KIRREL3: variants seen among roughly 807,000 people sequenced by gnomAD.
The protein encoded by KIRREL3 is kirre like nephrin family adhesion molecule 3.
A neutral mutation model predicts 89.7 loss-of-function variants in KIRREL3; 36 were observed. The ratio of observed to expected loss-of-function variants is 0.40; its 90% CI spans 0.31 to 0.53. The LOEUF (loss-of-function observed/expected upper bound fraction) is 0.53, where lower values mean the gene tolerates loss of function less well. KIRREL3 is among the 20% of genes least tolerant of loss of function. KIRREL3 has a pLI of 0.49. For synonymous variants in KIRREL3, 445 were observed against 441.4 expected, an observed-to-expected ratio of 1.01 and a Z score of -0.10; for missense variants, 864 against 1,056.6, an observed-to-expected ratio of 0.82 and a Z score of 2.53.
chr11:126,664,051 G>C lies in KIRREL3; in HGVS notation c.56-101139C>G, dbSNP rs778400482. On this transcript the variant is annotated intron_variant, in intron 1 of 16. Coordinates refer to ENST00000525144, the MANE Select transcript of KIRREL3 (RefSeq NM_032531.4). The surrounding 1 kb of genome is among the most constrained non-coding windows in gnomAD (Gnocchi z 5.4). ...CCCCTGGCACAAGGGAAATTAACCA[G>C]ACTCTGCATGTTGTGGGAATTCTGC... Among the ~76,000 whole-genome samples, 1 of 152,208 alleles carries C rather than the reference G, an allele frequency of 6.6e-6. No homozygotes were observed. Among genetic ancestry groups the C allele is most frequent in the Non-Finnish European group, 1.5e-5 (1 of 68,040 alleles).
At chr11:126,539,183 A>G (rs1311178148) in intron 2 of KIRREL3, among the ~76,000 whole-genome samples, 1 of 152,124 alleles carries the variant, frequency 6.6e-6, no homozygotes, top group South Asian at 2.1e-4. Flanking sequence ...TGAGAATGAA[A>G]TAGGTCATTC....
Position 126,486,594 on chromosome 11 carries a change from G to A in KIRREL3, c.434-13128C>T, listed in dbSNP as rs1000179236. Among the ~76,000 whole-genome samples, 7 of 152,208 alleles carry A rather than the reference G, an allele frequency of 4.6e-5. No homozygotes were observed. Among genetic ancestry groups the A allele is most frequent in the African/African-American group, 1.7e-4 (7 of 41,446 alleles). On this transcript the variant is annotated intron_variant, in intron 4 of 16. Transcript: ENST00000525144. This position sits in a 1 kb window ranked among gnomAD's most constrained non-coding sequence, Gnocchi z 6.2. ...CAACACAGCTGGGTTGGTGGGAAAAGCCCATCATGGTGGCTGCCGTGGACT... is the reference window on the plus strand; with the variant it reads ...CAACACAGCTGGGTTGGTGGGAAAAACCCATCATGGTGGCTGCCGTGGACT...
chr11:126,661,775 G>T (rs1945413966), intron 1 of KIRREL3, among the ~76,000 whole-genome samples: 1 of 152,184 alleles, frequency 6.6e-6, no homozygotes, highest in South Asian at 2.1e-4. Flanking sequence ...TAATTGGTCA[G>T]GGATGGGTCC....
In KIRREL3 at chr11:126,476,689, A is replaced by C. The variant is rs1957078171; in HGVS notation, c.434-3223T>G. On this transcript the variant is annotated intron_variant, in intron 4 of 16. Transcript: ENST00000525144. The surrounding 1 kb of genome is among the most constrained non-coding windows in gnomAD (Gnocchi z 6.4). ...TGGGGGGGGGTGGGGGTTGGTGAGG[A>C]TGGAGGATGTTTGGGGGCCAGCAGG... Among the ~76,000 whole-genome samples the C allele has an allele frequency of 6.7e-6, 1 of 149,648 alleles. No homozygotes were observed. Among genetic ancestry groups the C allele is most frequent in the Admixed American group, 6.7e-5 (1 of 14,982 alleles).
Position 126,754,379 on chromosome 11 carries a change from C to T in KIRREL3, c.56-191467G>A, listed in dbSNP as rs775192300. On this transcript the variant is annotated intron_variant, in intron 1 of 16. Transcript: ENST00000525144. The surrounding 1 kb of genome is among the most constrained non-coding windows in gnomAD (Gnocchi z 5.1). ...CTCAGAACGTACCTCTCTAACTTTA[C>T]ACTCTCTATATGTCTGTCTCTGGTC... Among the ~76,000 whole-genome samples, 1 of 152,208 alleles carries T rather than the reference C, an allele frequency of 6.6e-6. No individual in the cohort carries two copies. The highest frequency in any genetic ancestry group is 1.5e-5 in the Non-Finnish European group (1 of 68,032).
Position 126,913,826 on chromosome 11 carries a change from T to G in KIRREL3, c.55+86629A>C, listed in dbSNP as rs539980842. On this transcript the variant is annotated intron_variant, in intron 1 of 16. Coordinates refer to ENST00000525144, the MANE Select transcript of KIRREL3 (RefSeq NM_032531.4). Reference sequence around the variant, plus strand: ...GAGGCCTGGCAGAGTAGAGTGCAGGTGGAGTCTGGGGACCGCATAGCAGAG... The same window carrying G: ...GAGGCCTGGCAGAGTAGAGTGCAGGGGGAGTCTGGGGACCGCATAGCAGAG... Among the ~76,000 whole-genome samples the G allele has an allele frequency of 3.5e-4, 53 of 152,194 alleles. 2 individuals are homozygous for G. The South Asian group carries it at 0.011, about 32-fold the overall frequency.
chr11:126,586,448 A>G (rs1213681164), intron 1 of KIRREL3, among the ~76,000 whole-genome samples: 1 of 151,932 alleles, frequency 6.6e-6, no homozygotes, highest in Non-Finnish European at 1.5e-5. Context: ...CTCTCTACTC[A>G]CAGGAGCACT....
chr11:126,691,851 G>C (rs564236523), intron 1 of KIRREL3, among the ~76,000 whole-genome samples: 1 of 152,090 alleles, frequency 6.6e-6, no homozygotes, highest in Non-Finnish European at 1.5e-5. Context: ...AAAAAAATGG[G>C]AAAAGGACTT....
At chr11:126,919,433 G>A (rs1485055515) in intron 1 of KIRREL3, among the ~76,000 whole-genome samples, 1 of 152,210 alleles carries the variant, frequency 6.6e-6, no homozygotes, top group Non-Finnish European at 1.5e-5. Context: ...CTGGAGGATG[G>A]AAACTACTTT....
intron 1 of KIRREL3, among the ~76,000 whole-genome samples, chr11:126,586,634 G>C (rs903257966): frequency 6.6e-6 from 1 of 152,064 alleles, no homozygotes; most frequent in Non-Finnish European, 1.5e-5. Flanking sequence ...AGTTGAACTC[G>C]GGTCTTTTGG....
chr11:126,785,744 C>T (rs952834852), intron 1 of KIRREL3, among the ~76,000 whole-genome samples: 3 of 151,658 alleles, frequency 2.0e-5, no homozygotes, highest in African/African-American at 4.8e-5. Flanking sequence ...CATGGTGGTG[C>T]GCACCTGTAG....
chr11:127,001,022 G>A (rs1171294791), upstream of KIRREL3: 3 of 191,734 alleles, frequency 1.6e-5, no homozygotes, highest in Non-Finnish European at 3.2e-5. Context: ...CACCATTATT[G>A]ACCAAAAGGC....
chr11:126,660,648 G>A (rs7108068), intron 1 of KIRREL3, among the ~76,000 whole-genome samples: 51,805 of 151,968 alleles, frequency 0.34, 9,067 homozygotes, highest in Admixed American at 0.42. Flanking sequence ...GCAAACTTTT[G>A]AGGACGACCT....
In KIRREL3 at chr11:126,641,514, G is replaced by C. The variant is rs1944471628; in HGVS notation, c.56-78602C>G. On this transcript the variant is annotated intron_variant, in intron 1 of 16. Transcript: ENST00000525144. The surrounding 1 kb of genome is among the most constrained non-coding windows in gnomAD (Gnocchi z 5.0). ...AGCAACAACAGGAAGGGAGAAAATTGCTATTACCACCTAGACTGTGAGCAA... is the reference window on the plus strand; with the variant it reads ...AGCAACAACAGGAAGGGAGAAAATTCCTATTACCACCTAGACTGTGAGCAA... 6.6e-6 allele frequency among the ~76,000 whole-genome samples: 1 copy of C among 152,004 alleles called. No individual in the cohort carries two copies. Among genetic ancestry groups the C allele is most frequent in the Admixed American group, 6.6e-5 (1 of 15,244 alleles).
chr11:126,965,351 G>A lies in KIRREL3; in HGVS notation c.55+35104C>T, dbSNP rs1302808853. ...TTTACCCATGATAAACTCTACCTTT[G>A]GACATCGGTACTCAACTCTTAAGAA... On this transcript the variant is annotated intron_variant, in intron 1 of 16. Transcript: ENST00000525144. This position sits in a 1 kb window ranked among gnomAD's most constrained non-coding sequence, Gnocchi z 4.4. Among the ~76,000 whole-genome samples, 5 of 152,240 alleles carry A rather than the reference G, an allele frequency of 3.3e-5. No individual in the cohort carries two copies. Among genetic ancestry groups the A allele is most frequent in the African/African-American group, 1.2e-4 (5 of 41,532 alleles).
intron 1 of KIRREL3, among the ~76,000 whole-genome samples, chr11:126,986,357 T>A (rs1021383482): frequency 6.6e-6 from 1 of 152,216 alleles, no homozygotes; most frequent in African/African-American, 2.4e-5. Flanking sequence ...TGACCTTGAA[T>A]ATTTTTTTAA....
intron 2 of KIRREL3, among the ~76,000 whole-genome samples, chr11:126,540,668 C>A (rs1255978588): frequency 2.0e-5 from 3 of 152,238 alleles, no homozygotes; most frequent in Admixed American, 6.5e-5. Flanking sequence ...CTGATAAGTG[C>A]TGCTGGAAAT....
intron 10 of KIRREL3, 27 bp from the exon 11 acceptor site, chr11:126,440,576 C>A: frequency 3.2e-6 from 5 of 1,565,784 alleles, no homozygotes; most frequent in Non-Finnish European, 4.3e-6. Flanking sequence ...TCCCATTAGG[C>A]ACCCGGGAAG....
At chr11:126,855,086 C>T (rs1944465609) in intron 1 of KIRREL3, among the ~76,000 whole-genome samples, 1 of 152,170 alleles carries the variant, frequency 6.6e-6, no homozygotes, top group Admixed American at 6.5e-5. Context: ...AGCCTGGAAA[C>T]TTCATCATCA....
Sources: gnomAD v4.1 joint callset for allele counts (sites outside exome capture counted in the v4.1 genomes callset) on GRCh38, gnomAD v4.1.1 for gene constraint, Gnocchi (gnomAD v3.1) non-coding constraint, MANE v1.5 for transcripts, NCBI Gene and HGNC (gene_info 2026-07-23, HGNC 2026-07-21) for gene names.